The following MIDEAS variants were observed in gnomAD, a reference collection of about 807,000 sequenced individuals.
MIDEAS encodes mitotic deacetylase-associated SANT domain protein.
In MIDEAS, 26 loss-of-function variants were observed where a neutral mutation model predicts 102.7. The ratio of observed to expected loss-of-function variants is 0.25; its 90% CI spans 0.19 to 0.35. The LOEUF (loss-of-function observed/expected upper bound fraction) is 0.35, where lower values mean the gene tolerates loss of function less well. Ranked by LOEUF, MIDEAS falls within the 10% of genes least tolerant of loss-of-function variation. MIDEAS has a pLI of 1.00. For missense variants in MIDEAS, 1,231 were observed against 1,435.6 expected (o/e 0.86, Z 2.30); for synonymous variants, 585 against 591.0 (o/e 0.99, Z 0.15).
chr14:73,741,942 G>T (rs2053286503), intron 1 of MIDEAS, among the ~76,000 whole-genome samples: 1 of 152,154 alleles, frequency 6.6e-6, no homozygotes, highest in South Asian at 2.1e-4. Flanking sequence ...GGAGTGGGGG[G>T]ATTTGGACAA....
intron 1 of MIDEAS, among the ~76,000 whole-genome samples, chr14:73,774,983 G>A: frequency 6.6e-6 from 1 of 152,084 alleles, no homozygotes; most frequent in East Asian, 1.9e-4. Context: ...CAGGGGGGAA[G>A]TTCAATTGCA....
At chr14:73,743,877 CTT>C (rs1472459640) in intron 1 of MIDEAS, among the ~76,000 whole-genome samples, 1 of 152,104 alleles carries the variant, frequency 6.6e-6, no homozygotes, top group East Asian at 1.9e-4. Flanking sequence ...GCTCTATTCA[CTT>C]TTCCCTTCCT....
At chr14:73,752,249 C>A (rs1161385780) in intron 1 of MIDEAS, among the ~76,000 whole-genome samples, 2 of 152,128 alleles carry the variant, frequency 1.3e-5, no homozygotes, top group Non-Finnish European at 1.5e-5. Flanking sequence ...GGTAAAATGA[C>A]CTGCCTAAGG....
rs1016728423 is a variant in MIDEAS at position 73,726,941 on chromosome 14, C to G, written c.2194G>C (p.Glu732Gln). The G allele has an allele frequency of 1.9e-6, 3 of 1,612,940 alleles. No individual in the cohort carries two copies. The highest frequency in any genetic ancestry group is 1.7e-5 in the Admixed American group (1 of 59,910). The change falls in exon 6 of 13, where the codon GAA becomes CAA. Residue 732 changes from glutamate to glutamine, a missense_variant. Physicochemically the swap from Glu to Gln is conservative, Grantham distance 29. Around this residue, in one of 5 missense-constraint regions of MIDEAS, gnomAD observed 391 missense variants for 483.0 expected, o/e 0.81. Transcript: ENST00000423556. ...GCACGGTCCCTCATCAAGGGGATTTCTGCCTGGAACCGGGAGCCCACGTTG... is the reference window on the plus strand; with the variant it reads ...GCACGGTCCCTCATCAAGGGGATTTGTGCCTGGAACCGGGAGCCCACGTTG... ...RINVGSRFQA[E>Q]IPLMRDRALA...
At chr14:73,762,504 G>A (rs151210050), upstream of MIDEAS, among the ~76,000 whole-genome samples, 340 of 152,328 alleles carry the variant, frequency 2.2e-3, 3 homozygotes, top group Middle Eastern at 6.8e-3. Context: ...GTGTGCAGGG[G>A]AGGAGGGCTC....
chr14:73,736,947 C>T (rs1457499744), intron 3 of MIDEAS, 51 bp downstream of exon 3: 6 of 1,556,612 alleles, frequency 3.9e-6, no homozygotes, highest in Non-Finnish European at 5.3e-6. Context: ...GGGTCCTGGG[C>T]CCCCTGAGCA....
At chr14:73,730,981 A>C (rs2053130956) in intron 3 of MIDEAS, among the ~76,000 whole-genome samples, 3 of 152,162 alleles carry the variant, frequency 2.0e-5, no homozygotes, top group Middle Eastern at 6.8e-3. Context: ...GAAAAAGAAA[A>C]AAAAATGGAA....
Position 73,716,569 on chromosome 14 carries a change from G to A in MIDEAS, c.*2274C>T, listed in dbSNP as rs2052892849. 1 of 150,344 alleles carries A rather than the reference G, an allele frequency of 6.7e-6. No homozygotes were observed. The highest frequency in any genetic ancestry group is 6.7e-5 in the Admixed American group (1 of 14,896). The allele number at this position is 150,344 out of a possible 1,614,324, so 9.3% of individuals were successfully genotyped here. A position where few individuals can be genotyped will look rare whatever the true frequency, so the allele number is the denominator to read the frequency against. Reference sequence around the variant, plus strand: ...GTGGTGGTGTGTGCCTATAATCCCAGCTACTCAGGAGGCTGAGGCAGGAGA... The same window carrying A: ...GTGGTGGTGTGTGCCTATAATCCCAACTACTCAGGAGGCTGAGGCAGGAGA... On this transcript the variant is annotated 3_prime_UTR_variant, in exon 13 of 13. Transcript: ENST00000423556.
At chr14:73,789,356 C>T (rs1021593152), upstream of MIDEAS, among the ~76,000 whole-genome samples, 2 of 152,084 alleles carry the variant, frequency 1.3e-5, no homozygotes, top group African/African-American at 4.8e-5. Context: ...GCTAGGCCTG[C>T]CAACCACCGT....
At chr14:73,734,470 C>G (rs576413867) in intron 3 of MIDEAS, among the ~76,000 whole-genome samples, 1 of 152,240 alleles carries the variant, frequency 6.6e-6, no homozygotes, top group African/African-American at 2.4e-5. Flanking sequence ...TGCAGTGGCA[C>G]AATCACAGCT....
At chr14:73,766,542 ATTTCT>A (rs1188067637) in intron 1 of MIDEAS, among the ~76,000 whole-genome samples, 3 of 149,886 alleles carry the variant, frequency 2.0e-5, no homozygotes, top group African/African-American at 4.9e-5. Flanking sequence ...TTCCTCTTCC[ATTTCT>A]TTTCTTTTCT....
At chr14:73,771,715 C>T (rs1451764820) in intron 1 of MIDEAS, among the ~76,000 whole-genome samples, 1 of 152,238 alleles carries the variant, frequency 6.6e-6, no homozygotes, top group Non-Finnish European at 1.5e-5. Context: ...TGGGGTCAGA[C>T]GGCCCTGCCT....
chr14:73,724,151 T>C (rs907336587), intron 9 of MIDEAS: 2 of 152,222 alleles, frequency 1.3e-5, no homozygotes, highest in African/African-American at 4.8e-5. Flanking sequence ...AGCTCTCCCA[T>C]TGCATAAATC....
At chr14:73,751,071 G>C (rs1566599045) in intron 1 of MIDEAS, among the ~76,000 whole-genome samples, 1 of 152,188 alleles carries the variant, frequency 6.6e-6, no homozygotes, top group African/African-American at 2.4e-5. Flanking sequence ...GGCTGGTCTT[G>C]AACTCCTTGC....
chr14:73,767,073 G>A (rs898881880), intron 1 of MIDEAS, among the ~76,000 whole-genome samples: 1 of 149,826 alleles, frequency 6.7e-6, no homozygotes, highest in South Asian at 2.1e-4. Context: ...TAGGCTGGTC[G>A]CAAACTCCTG....
intron 1 of MIDEAS, among the ~76,000 whole-genome samples, chr14:73,769,232 A>AC (rs1335521750): frequency 4.6e-5 from 7 of 152,212 alleles, no homozygotes; most frequent in Non-Finnish European, 1.0e-4. Flanking sequence ...GATGAGTGAG[A>AC]CAAGGTGAGG....
rs568394699 is a variant in MIDEAS, at chr14:73,753,737, G to A, written c.-248+6026C>T. 5.3e-5 allele frequency among the ~76,000 whole-genome samples: 8 copies of A among 152,274 alleles called. No homozygotes were observed. In the South Asian group the frequency reaches 1.5e-3, roughly 28 times the overall value. ...ACTCAAAGTCCTAGCAACAGTGTGGGGCTCTGCAGGCACGCAGAGCTTCCG... is the reference window on the plus strand; with the variant it reads ...ACTCAAAGTCCTAGCAACAGTGTGGAGCTCTGCAGGCACGCAGAGCTTCCG... On this transcript the variant is annotated intron_variant, in intron 1 of 12. Coordinates refer to ENST00000423556, the MANE Select transcript of MIDEAS (RefSeq NM_001367710.1).
chr14:73,778,147 G>A (rs1189411524), intron 1 of MIDEAS, among the ~76,000 whole-genome samples: 2 of 151,870 alleles, frequency 1.3e-5, no homozygotes, highest in Non-Finnish European at 2.9e-5. Flanking sequence ...CTGAGGTCAG[G>A]AGTTCAGGAG....
chr14:73,746,126 T>C (rs2140135354), intron 1 of MIDEAS, among the ~76,000 whole-genome samples: 1 of 152,280 alleles, frequency 6.6e-6, no homozygotes, highest in Non-Finnish European at 1.5e-5. Context: ...AGGAATCCTT[T>C]CAGGGCTTAT....
Sources: gnomAD v4.1 joint callset for allele counts (sites outside exome capture counted in the v4.1 genomes callset) on GRCh38, gnomAD v4.1.1 for gene constraint, gnomAD v4.1.1 regional missense constraint, MANE v1.5 for transcripts, NCBI Gene and HGNC (gene_info 2026-07-23, HGNC 2026-07-21) for gene names.